Variants in MAD1L1 observed in about 807,000 individuals in gnomAD.
MAD1L1 encodes the protein mitotic arrest deficient 1 like 1, also known as mitotic spindle assembly checkpoint protein MAD1.
MAD1L1 carries 95 observed loss-of-function variants against 96.9 expected under a neutral mutation model. That is an observed-to-expected ratio of 0.98 (90% CI 0.83 to 1.16). The LOEUF (loss-of-function observed/expected upper bound fraction) is 1.16. MAD1L1 is among the 50% of genes most tolerant of loss of function. The pLI is 0.00. For synonymous variants in MAD1L1, 473 were observed against 396.6 expected (o/e 1.19, Z -2.29); for missense variants, 1,007 against 954.4 (o/e 1.06, Z -0.73).
chr7:1,856,014 C>A (rs1784233096), intron 18 of MAD1L1, among the ~76,000 whole-genome samples: 1 of 152,186 alleles, frequency 6.6e-6, no homozygotes, highest in African/African-American at 2.4e-5. Flanking sequence ...TCGCGGTGCG[C>A]TCACGTGGGG....
At chr7:2,220,765 T>C in intron 5 of MAD1L1, 1 of 1,111,934 alleles carries the variant, frequency 9.0e-7, no homozygotes, top group Non-Finnish European at 1.3e-6. Context: ...ATATGTACGG[T>C]TTACTTCACC....
intron 16 of MAD1L1, among the ~76,000 whole-genome samples, chr7:1,948,037 G>A (rs1386152438): frequency 2.6e-5 from 4 of 152,186 alleles, no homozygotes; most frequent in Non-Finnish European, 4.4e-5. Context: ...GATGAGAACT[G>A]GATGGGGGTA....
At chr7:1,900,426 C>T (rs993481860) in intron 17 of MAD1L1, among the ~76,000 whole-genome samples, 1 of 152,228 alleles carries the variant, frequency 6.6e-6, no homozygotes, top group African/African-American at 2.4e-5. Flanking sequence ...CTCGCCCCAA[C>T]CTGGCCTCCT....
At chr7:1,888,979 G>T (rs1173730822) in intron 18 of MAD1L1, among the ~76,000 whole-genome samples, 1 of 152,250 alleles carries the variant, frequency 6.6e-6, no homozygotes, top group East Asian at 1.9e-4. Context: ...CTGACCTGCA[G>T]ATCCTCGTGG....
At position 2,132,370 on chromosome 7, in the gene MAD1L1, C is replaced by T. The variant is rs181119915; in HGVS notation, c.1073+16782G>A. 4.3e-3 allele frequency among the ~76,000 whole-genome samples: 656 copies of T among 152,058 alleles called. 7 individuals carry two copies. The highest frequency in any genetic ancestry group is 0.015 in the African/African-American group (625 of 41,498). On this transcript the variant is annotated intron_variant, in intron 11 of 18. Coordinates refer to ENST00000265854, the MANE Select transcript of MAD1L1 (RefSeq NM_001013836.2). ...TTTAGACGAACGCATGTCTGCAGTC[C>T]CTGTGCGACCGCGCGTCCACCATCA... is the stretch of plus-strand genomic sequence containing the variant.
Position 2,006,069 on chromosome 7 carries a change from T to C in MAD1L1, c.1360-3948A>G, listed in dbSNP as rs563011991. Among the ~76,000 whole-genome samples, 11 of 151,984 alleles carry C rather than the reference T, an allele frequency of 7.2e-5. No homozygotes were observed. The East Asian group carries it at 9.7e-4, about 13-fold the overall frequency. Reference sequence around the variant, plus strand: ...CAGGAGGGAGCTCAGGTCTGGCTTATAGACATTCTACAGCACAAGGTTTGT... The same window carrying C: ...CAGGAGGGAGCTCAGGTCTGGCTTACAGACATTCTACAGCACAAGGTTTGT... On this transcript the variant is annotated intron_variant, in intron 13 of 18. Coordinates refer to ENST00000265854, the MANE Select transcript of MAD1L1 (RefSeq NM_001013836.2).
intron 10 of MAD1L1, among the ~76,000 whole-genome samples, chr7:2,178,278 A>G (rs1360122248): frequency 2.6e-5 from 4 of 152,238 alleles, no homozygotes; most frequent in Non-Finnish European, 5.9e-5. Context: ...TAATTTTCAC[A>G]GCAGTAGGTT....
intron 14 of MAD1L1, among the ~76,000 whole-genome samples, chr7:1,985,962 A>T (rs1781121437): frequency 6.6e-6 from 1 of 152,162 alleles, no homozygotes; most frequent in South Asian, 2.1e-4. Flanking sequence ...TCATCTGCTC[A>T]ATGTCCACCG....
intron 18 of MAD1L1, among the ~76,000 whole-genome samples, chr7:1,888,812 T>A (rs1027195365): frequency 3.9e-5 from 6 of 152,188 alleles, no homozygotes; most frequent in African/African-American, 9.7e-5. Flanking sequence ...TGGGTGGCTG[T>A]GCATGCGTGG....
At chr7:1,907,256 G>C (rs1225394925) in intron 17 of MAD1L1, among the ~76,000 whole-genome samples, 1 of 152,208 alleles carries the variant, frequency 6.6e-6, no homozygotes, top group Non-Finnish European at 1.5e-5. Context: ...GCCCCAGTGA[G>C]GAGCTGGCCT....
At chr7:2,143,249 C>T (rs765788565) in intron 11 of MAD1L1, among the ~76,000 whole-genome samples, 1 of 151,502 alleles carries the variant, frequency 6.6e-6, no homozygotes, top group Non-Finnish European at 1.5e-5. Context: ...ACACAGGCCC[C>T]AGGAACCTGG....
intron 15 of MAD1L1, among the ~76,000 whole-genome samples, chr7:1,978,963 A>T (rs543719670): frequency 6.6e-6 from 1 of 152,370 alleles, no homozygotes; most frequent in South Asian, 2.1e-4. Flanking sequence ...CAGCCCATGC[A>T]TGAGGAATGC....
chr7:2,166,293 C>A (rs1790423863), intron 10 of MAD1L1, among the ~76,000 whole-genome samples: 1 of 152,168 alleles, frequency 6.6e-6, no homozygotes, highest in African/African-American at 2.4e-5. Context: ...CAAGGGTCCC[C>A]AGACACATGT....
intron 13 of MAD1L1, among the ~76,000 whole-genome samples, chr7:2,012,174 C>T (rs948067506): frequency 5.3e-5 from 8 of 152,182 alleles, no homozygotes; most frequent in East Asian, 1.9e-4. Context: ...GGGGCAAGCA[C>T]GGTGCCCAAA....
intron 18 of MAD1L1, among the ~76,000 whole-genome samples, chr7:1,852,415 C>A (rs895623239): frequency 2.6e-5 from 4 of 152,152 alleles, no homozygotes; most frequent in African/African-American, 9.7e-5. Flanking sequence ...CTCCAAGGGT[C>A]CCCCTCAATG....
At position 2,212,186 on chromosome 7, in the gene MAD1L1, G is replaced by A. The variant is rs372771975; in HGVS notation, c.986+1026C>T. On this transcript the variant is annotated intron_variant, in intron 10 of 18. Transcript: ENST00000265854. ...CAGGGTCCTGGGAAGGATGGGGCAG[G>A]AGGACAGACAGGACCAGACCTGGGA... Among the ~76,000 whole-genome samples, 4 of 152,348 alleles carry A rather than the reference G, an allele frequency of 2.6e-5. 1 individual carries two copies. In the East Asian group the frequency reaches 5.8e-4, roughly 22 times the overall value.
At chr7:2,077,100 G>A (rs1195112821) in intron 11 of MAD1L1, among the ~76,000 whole-genome samples, 6 of 135,196 alleles carry the variant, frequency 4.4e-5, no homozygotes, top group Non-Finnish European at 7.7e-5. Context: ...GTGAGCCCGC[G>A]GCATGGTGAG....
intron 3 of MAD1L1, among the ~76,000 whole-genome samples, chr7:2,227,697 T>A (rs891430524): frequency 6.6e-6 from 1 of 152,244 alleles, no homozygotes; most frequent in Non-Finnish European, 1.5e-5. Flanking sequence ...GTCTCGATTC[T>A]CAGCTGCTGC....
In MAD1L1 at chr7:1,971,066, C is replaced by T. The variant is rs75747526; in HGVS notation, c.1505+9387G>A. ...TGCATGCAGTGCCACCCGGGGCCCA[C>T]AGCCAGCCCTTCGGTGTGCGAGTTC... On this transcript the variant is annotated intron_variant, in intron 15 of 18. Coordinates refer to ENST00000265854, the MANE Select transcript of MAD1L1 (RefSeq NM_001013836.2). Among the ~76,000 whole-genome samples, 495 of 152,282 alleles carry T rather than the reference C, an allele frequency of 3.3e-3. 17 individuals carry two copies. In the East Asian group the frequency reaches 0.089, roughly 27 times the overall value.
Sources: gnomAD v4.1 joint callset for allele counts (sites outside exome capture counted in the v4.1 genomes callset) on GRCh38, gnomAD v4.1.1 for gene constraint, MANE v1.5 for transcripts, NCBI Gene and HGNC (gene_info 2026-07-23, HGNC 2026-07-21) for gene names.